TTLL5: variants seen among roughly 807,000 people sequenced by gnomAD.
The protein encoded by TTLL5 is tubulin polyglutamylase TTLL5.
Under a neutral mutation model 168.4 loss-of-function variants are expected in TTLL5, and 132 were observed. The ratio of observed to expected loss-of-function variants is 0.78; its 90% CI spans 0.68 to 0.91. TTLL5 has a LOEUF of 0.91. TTLL5 is among the 40% of genes least tolerant of loss of function. The probability of loss-of-function intolerance (pLI) is 0.00; values close to 1 mark genes in which losing one functional copy is unlikely to be tolerated. For synonymous variants in TTLL5, 546 were observed against 558.6 expected, an observed-to-expected ratio of 0.98 and a Z score of 0.32; for missense variants, 1,545 against 1,581.5, an observed-to-expected ratio of 0.98 and a Z score of 0.39.
chr14:75,847,750 T>A (rs1896627527), intron 28 of TTLL5: 1 of 152,032 alleles, frequency 6.6e-6, no homozygotes, highest in African/African-American at 2.4e-5. Flanking sequence ...TCTTAACCAC[T>A]CTGCCAGTGA....
At chr14:75,890,254 A>G (rs960910876) in intron 30 of TTLL5, among the ~76,000 whole-genome samples, 4 of 152,228 alleles carry the variant, frequency 2.6e-5, no homozygotes, top group African/African-American at 4.8e-5. Context: ...GAAGTTAGAA[A>G]AGGAACCATA....
intron 28 of TTLL5, among the ~76,000 whole-genome samples, chr14:75,849,274 CTG>C (rs1190168706): frequency 6.6e-6 from 1 of 152,152 alleles, no homozygotes; most frequent in Non-Finnish European, 1.5e-5. Context: ...GCTTGTAATT[CTG>C]TGTTTTAAAT....
chr14:75,933,026 A>G (rs1433680879), intron 31 of TTLL5, among the ~76,000 whole-genome samples: 2 of 152,216 alleles, frequency 1.3e-5, no homozygotes, highest in Non-Finnish European at 2.9e-5. Context: ...CCCAATTCAG[A>G]GAAAAGTTTA....
intron 31 of TTLL5, among the ~76,000 whole-genome samples, chr14:75,940,900 G>T (rs1339605547): frequency 1.3e-5 from 2 of 152,186 alleles, no homozygotes; most frequent in Non-Finnish European, 2.9e-5. Flanking sequence ...TTTCTTAGAA[G>T]AATTAGGCTT....
intron 31 of TTLL5, among the ~76,000 whole-genome samples, chr14:75,911,959 C>T (rs140932031): frequency 1.3e-5 from 2 of 152,332 alleles, no homozygotes; most frequent in East Asian, 3.9e-4. Flanking sequence ...AGTTGTTGTA[C>T]ATGAGCACAG....
intron 27 of TTLL5, among the ~76,000 whole-genome samples, chr14:75,797,881 A>T (rs1401222395): frequency 6.6e-6 from 1 of 152,130 alleles, no homozygotes; most frequent in African/African-American, 2.4e-5. Context: ...ATCTGTATTC[A>T]TCAGAGATAT....
At chr14:75,781,956 TCAA>T (rs1566601799) in intron 24 of TTLL5, among the ~76,000 whole-genome samples, 3 of 47,146 alleles carry the variant, frequency 6.4e-5, no homozygotes, top group Non-Finnish European at 4.1e-5. Flanking sequence ...GAAACTTTGT[TCAA>T]AAAAAAAAAA....
At chr14:75,773,937 G>T (rs1566598048) in intron 21 of TTLL5, among the ~76,000 whole-genome samples, 22 of 32,174 alleles carry the variant, frequency 6.8e-4, no homozygotes, top group Non-Finnish European at 1.4e-3. Context: ...TAGAGAGAGA[G>T]AGAGAGAGAG....
At chr14:75,713,309 A>C (rs922465128) in intron 9 of TTLL5, among the ~76,000 whole-genome samples, 1 of 152,254 alleles carries the variant, frequency 6.6e-6, no homozygotes, top group Admixed American at 6.5e-5. Context: ...ATTGTGTTCC[A>C]GTTGCCTACA....
chr14:75,817,830 C>CTTTTTTTTTTTTTTTTTTTTTTTTT (rs1045988787), intron 27 of TTLL5, among the ~76,000 whole-genome samples: 20 of 83,866 alleles, frequency 2.4e-4, no homozygotes, highest in Non-Finnish European at 3.2e-4. Context: ...CTTTTCTTTT[C>CTTTTTTTTTTTTTTTTTTTTTTTTT]TTTTTTTTTT....
chr14:75,692,832 G>C (rs1052316877), intron 6 of TTLL5, among the ~76,000 whole-genome samples: 1 of 152,150 alleles, frequency 6.6e-6, no homozygotes, highest in Non-Finnish European at 1.5e-5. Context: ...TTTGGACAGG[G>C]TATGGATTTG....
intron 4 of TTLL5, among the ~76,000 whole-genome samples, chr14:75,681,861 G>A (rs980891740): frequency 6.6e-6 from 1 of 152,000 alleles, no homozygotes; most frequent in African/African-American, 2.4e-5. Context: ...ACGTTCTTGG[G>A]CTTGGGCTAG....
intron 31 of TTLL5, among the ~76,000 whole-genome samples, chr14:75,949,588 C>T (rs989262528): frequency 2.0e-5 from 3 of 151,706 alleles, no homozygotes; most frequent in Non-Finnish European, 4.4e-5. Flanking sequence ...TGGTGGTTCA[C>T]GCCTGTAATC....
chr14:75,886,262 C>T (rs548806678), intron 30 of TTLL5, among the ~76,000 whole-genome samples: 7 of 152,216 alleles, frequency 4.6e-5, no homozygotes, highest in East Asian at 1.9e-4. Context: ...AAGAATAGAA[C>T]GTTAAAGATG....
At chr14:75,947,654 C>T (rs948245214) in intron 31 of TTLL5, among the ~76,000 whole-genome samples, 1 of 152,054 alleles carries the variant, frequency 6.6e-6, no homozygotes, top group Non-Finnish European at 1.5e-5. Context: ...ATAATAAGAA[C>T]ATTTAAGAGG....
chr14:75,861,202 TG>T (rs1361142934), intron 28 of TTLL5, among the ~76,000 whole-genome samples: 1 of 151,776 alleles, frequency 6.6e-6, no homozygotes, highest in African/African-American at 2.4e-5. Context: ...AGCCAAACTG[TG>T]GGAGGAGATG....
intron 6 of TTLL5, among the ~76,000 whole-genome samples, chr14:75,692,877 A>G (rs1214607451): frequency 6.6e-6 from 1 of 152,192 alleles, no homozygotes; most frequent in African/African-American, 2.4e-5. Flanking sequence ...TGTGTTTTGC[A>G]GGTGGCAGTT....
chr14:75,880,154 A>T (rs370378781), intron 29 of TTLL5, among the ~76,000 whole-genome samples: 126 of 151,944 alleles, frequency 8.3e-4, no homozygotes, highest in African/African-American at 2.3e-3. Context: ...AGAGAGAGAG[A>T]GTGTGTGTAC....
intron 30 of TTLL5, among the ~76,000 whole-genome samples, chr14:75,895,906 T>G (rs1198338056): frequency 2.0e-5 from 3 of 152,136 alleles, no homozygotes; most frequent in Non-Finnish European, 4.4e-5. Context: ...AAATACTTGT[T>G]GAAGGAACGA....
Sources: allele counts gnomAD v4.1 joint callset (sites outside exome capture counted in the v4.1 genomes callset), GRCh38; gene constraint gnomAD v4.1.1; transcripts MANE v1.5; gene names NCBI Gene and HGNC (gene_info 2026-07-23, HGNC 2026-07-21).